Variants in PCNX2 observed in about 807,000 individuals in gnomAD.
The protein encoded by PCNX2 is pecanex 2.
Under a neutral mutation model 223.8 loss-of-function variants are expected in PCNX2, and 168 were observed. The observed-to-expected ratio is 0.75, with a 90% confidence interval of 0.66 to 0.85. PCNX2 has a LOEUF of 0.85. PCNX2 is among the 40% of genes least tolerant of loss of function. The probability of loss-of-function intolerance (pLI) is 0.00; values close to 1 mark genes in which losing one functional copy is unlikely to be tolerated. For missense variants in PCNX2, 2,507 were observed against 2,675.5 expected (o/e 0.94, Z 1.39); for synonymous variants, 1,006 against 1,052.6 (o/e 0.96, Z 0.86).
intron 26 of PCNX2, among the ~76,000 whole-genome samples, chr1:233,021,790 C>G (rs12117527): frequency 1.1e-3 from 161 of 152,292 alleles, no homozygotes; most frequent in Non-Finnish European, 1.8e-3. Context: ...TCTGGGGGAG[C>G]CTTCCTGAGC....
chr1:233,079,492 C>T (rs1009463405), intron 23 of PCNX2, among the ~76,000 whole-genome samples: 11 of 146,688 alleles, frequency 7.5e-5, no homozygotes, highest in Admixed American at 2.1e-4. Flanking sequence ...CATGCCATTA[C>T]ACTCCAGCCT....
upstream of PCNX2, among the ~76,000 whole-genome samples, chr1:233,299,890 T>G (rs929654564): frequency 2.0e-5 from 3 of 152,158 alleles, no homozygotes; most frequent in Non-Finnish European, 2.9e-5. Context: ...CCAACCTGAT[T>G]ATTCCTTCTT....
chr1:233,132,093 C>T (rs551497862), intron 21 of PCNX2, among the ~76,000 whole-genome samples: 17 of 152,026 alleles, frequency 1.1e-4, no homozygotes, highest in Non-Finnish European at 2.2e-4. Flanking sequence ...CCCGCCACCA[C>T]GCCCGGCTAA....
intron 10 of PCNX2, 60 bp from the exon 11 acceptor site, chr1:233,218,244 G>GT: frequency 1.3e-6 from 1 of 788,680 alleles, no homozygotes; most frequent in Non-Finnish European, 1.7e-6. Flanking sequence ...TGTAAGTTTT[G>GT]CCTTTTTTTT....
intron 26 of PCNX2, chr1:233,018,760 C>T (rs530522534): frequency 8.1e-6 from 8 of 985,394 alleles, no homozygotes; most frequent in Non-Finnish European, 9.6e-6. Flanking sequence ...TGAGGCTGCA[C>T]ATCTCACTGT....
chr1:233,315,975 C>T, the PCNX2 span, among the ~76,000 whole-genome samples: 1 of 152,146 alleles, frequency 6.6e-6, no homozygotes, highest in Non-Finnish European at 1.5e-5. Context: ...GGGTAAATGG[C>T]AGCCTTCCTA....
At chr1:233,153,496 C>G (rs910157319) in intron 19 of PCNX2, among the ~76,000 whole-genome samples, 6 of 152,048 alleles carry the variant, frequency 3.9e-5, no homozygotes, top group Admixed American at 2.0e-4. Flanking sequence ...CAGAGGTGAA[C>G]AACGTTTAGA....
In PCNX2 at chr1:233,028,229, T is replaced by C. The variant is rs560494682; in HGVS notation, c.4352-2830A>G. Among the ~76,000 whole-genome samples the C allele has an allele frequency of 3.3e-5, 5 of 152,374 alleles. No individual in the cohort carries two copies. The East Asian group carries it at 9.6e-4, about 29-fold the overall frequency. On this transcript the variant is annotated intron_variant, in intron 25 of 33. Coordinates refer to ENST00000258229, the MANE Select transcript of PCNX2 (RefSeq NM_014801.4). ...TCTGCTGTTGCTACATGAAGTGTTC[T>C]GTAAATGTCAATTAGTTTAAAATGG...
intron 19 of PCNX2, among the ~76,000 whole-genome samples, chr1:233,152,439 A>G (rs1419001940): frequency 1.3e-5 from 2 of 152,154 alleles, no homozygotes; most frequent in Admixed American, 1.3e-4. Context: ...AAGGCGAGGT[A>G]AGGAATACAT....
intron 7 of PCNX2, 139 bp from the exon 8 acceptor site, chr1:233,250,971 T>C (rs757966637): frequency 1.1e-6 from 1 of 901,274 alleles, no homozygotes; most frequent in Non-Finnish European, 1.6e-6. Context: ...GTCCATTCTT[T>C]ATATTTCTGC....
the PCNX2 span, among the ~76,000 whole-genome samples, chr1:233,323,135 T>TTTGGAAGG: frequency 1.6e-4 from 24 of 152,344 alleles, no homozygotes; most frequent in South Asian, 5.0e-3. Flanking sequence ...CAGAACTCAT[T>TTTGGAAGG]TGGCATCAAA....
Position 233,047,456 on chromosome 1 carries a change from A to G in PCNX2, c.4351+6812T>C, listed in dbSNP as rs559980229. On this transcript the variant is annotated intron_variant, in intron 25 of 33. Coordinates refer to ENST00000258229, the MANE Select transcript of PCNX2 (RefSeq NM_014801.4). Reference sequence around the variant, plus strand: ...AAATGGCACAGAACTTGTGACAGAAACTACAACTCATAATTCAACTAGGTT... The same window carrying G: ...AAATGGCACAGAACTTGTGACAGAAGCTACAACTCATAATTCAACTAGGTT... 6.4e-6 allele frequency: 6 copies of G among 937,824 alleles called. No homozygotes were observed. In the South Asian group the frequency reaches 2.5e-4, roughly 38 times the overall value. 58.1% of individuals were successfully genotyped at this position (937,824 alleles called of 1,614,324 possible).
Position 233,161,336 on chromosome 1 carries a change from C to T in PCNX2, c.3301G>A (p.Val1101Ile), listed in dbSNP as rs780806410. ...GAGAGGACAGCAACCACTGCGCAGA[C>T]GATGAGATCCCATTTTAAGACATCC... ...VTDVLKWDLI[V>I]CAVVAVLSFA... The change falls in exon 18 of 34, where the codon GTC becomes ATC. Residue 1101 changes from valine to isoleucine, a missense_variant. This residue lies in a region of PCNX2 where 1,372 missense variants were observed against 1,509.4 expected (regional missense o/e 0.91). Transcript: ENST00000258229. The T allele has an allele frequency of 2.1e-5, 34 of 1,613,708 alleles. No individual in the cohort carries two copies. The highest frequency in any genetic ancestry group is 2.0e-4 in the East Asian group (9 of 44,884).
At position 233,000,191 on chromosome 1, in the gene PCNX2, G is replaced by T; in HGVS notation, c.5328+114C>A. 1 of 1,058,214 alleles carries T rather than the reference G, an allele frequency of 9.4e-7. No homozygotes were observed. Among genetic ancestry groups the T allele is most frequent in the East Asian group, 2.4e-5 (1 of 41,458 alleles). 65.6% of individuals were successfully genotyped at this position (1,058,214 alleles called of 1,614,324 possible). A position where few individuals can be genotyped will look rare whatever the true frequency, so the allele number is the denominator to read the frequency against. On this transcript the variant is annotated intron_variant, in intron 30 of 33. Coordinates refer to ENST00000258229, the MANE Select transcript of PCNX2 (RefSeq NM_014801.4). This position sits in a 1 kb window ranked among gnomAD's most constrained non-coding sequence, Gnocchi z 4.6. Reference sequence around the variant, plus strand: ...CTTCCAGAACATCCCTCTGAACAGAGGATGCTGGCACAGAGACTCCTGTGT... The same window carrying T: ...CTTCCAGAACATCCCTCTGAACAGATGATGCTGGCACAGAGACTCCTGTGT...
chr1:233,156,052 T>A (rs1266893106), intron 19 of PCNX2, among the ~76,000 whole-genome samples: 2 of 152,224 alleles, frequency 1.3e-5, no homozygotes, highest in African/African-American at 4.8e-5. Flanking sequence ...TCATGATTCA[T>A]CTGATGCTGA....
At chr1:233,116,335 G>C (rs1191547437) in intron 21 of PCNX2, among the ~76,000 whole-genome samples, 2 of 152,092 alleles carry the variant, frequency 1.3e-5, no homozygotes, top group Non-Finnish European at 2.9e-5. Flanking sequence ...GTCTTTTTAA[G>C]TGTCCATGGA....
At chr1:233,320,946 A>G in the PCNX2 span, among the ~76,000 whole-genome samples, 1 of 152,108 alleles carries the variant, frequency 6.6e-6, no homozygotes, top group East Asian at 1.9e-4. Flanking sequence ...AACACTGGTA[A>G]CAAATACTGC....
At chr1:233,117,954 G>C (rs987974140) in intron 21 of PCNX2, among the ~76,000 whole-genome samples, 4 of 149,378 alleles carry the variant, frequency 2.7e-5, no homozygotes, top group African/African-American at 7.4e-5. Flanking sequence ...AGCTTGCAGT[G>C]AGCCGAGATC....
intron 15 of PCNX2, among the ~76,000 whole-genome samples, chr1:233,194,408 G>A (rs1680598953): frequency 6.6e-6 from 1 of 152,016 alleles, no homozygotes; most frequent in Non-Finnish European, 1.5e-5. Flanking sequence ...CTTCAGACAG[G>A]AGAAATATGA....
Sources: allele counts gnomAD v4.1 joint callset (sites outside exome capture counted in the v4.1 genomes callset), GRCh38; gene constraint gnomAD v4.1.1; regional missense constraint gnomAD v4.1.1; non-coding constraint Gnocchi (gnomAD v3.1); transcripts MANE v1.5; gene names NCBI Gene and HGNC (gene_info 2026-07-23, HGNC 2026-07-21).